MDFIC2: variants seen among roughly 807,000 people sequenced by gnomAD.
MDFIC2 encodes the protein myoD family inhibitor domain-containing protein 2.
rs373800327 is a variant in MDFIC2 at position 70,234,211 on chromosome 3, A to G, written c.89-27421T>C. ...GACAATTCCACTTTTCAAGTATTCT[A>G]GACACTTAGAGGGCTGGGTTGACAC... On this transcript the variant is annotated intron_variant, in intron 2 of 3. Transcript: ENST00000567252. 5.3e-5 allele frequency among the ~76,000 whole-genome samples: 8 copies of G among 152,328 alleles called. No homozygotes were observed. In the East Asian group the frequency reaches 1.5e-3, roughly 29 times the overall value.
chr3:70,226,014 T>C (rs1701503228), intron 2 of MDFIC2, among the ~76,000 whole-genome samples: 1 of 152,194 alleles, frequency 6.6e-6, no homozygotes, highest in Admixed American at 6.5e-5. Context: ...TTCCTCTCTA[T>C]ATTGAAGAAT....
chr3:70,220,846 C>T (rs555374361), intron 2 of MDFIC2, among the ~76,000 whole-genome samples: 1 of 152,270 alleles, frequency 6.6e-6, no homozygotes, highest in Non-Finnish European at 1.5e-5. Flanking sequence ...GCTTCCATGA[C>T]ATTCAGTTGT....
chr3:70,195,084 T>A lies in MDFIC2; in HGVS notation c.*1842A>T, dbSNP rs1431874990. Reference sequence around the variant, plus strand: ...CAGAAAATTAGAACCCAAGTTAGAGTTCCTGACACTGCCAATAATTCACTG... The same window carrying A: ...CAGAAAATTAGAACCCAAGTTAGAGATCCTGACACTGCCAATAATTCACTG... On this transcript the variant is annotated 3_prime_UTR_variant, in exon 4 of 4. Coordinates refer to ENST00000567252, the MANE Select transcript of MDFIC2 (RefSeq NM_001364677.1). Among the ~76,000 whole-genome samples the A allele has an allele frequency of 1.3e-5, 2 of 152,138 alleles. No homozygotes were observed. The highest frequency in any genetic ancestry group is 1.3e-4 in the Admixed American group (2 of 15,268).
chr3:70,282,906 G>C (rs182775575), intron 2 of MDFIC2, among the ~76,000 whole-genome samples: 230 of 152,240 alleles, frequency 1.5e-3, no homozygotes, highest in African/African-American at 5.3e-3. Flanking sequence ...CTCTCCCCAG[G>C]ATGAAATAGT....
intron 2 of MDFIC2, among the ~76,000 whole-genome samples, chr3:70,270,222 A>C (rs533228961): frequency 6.6e-6 from 1 of 152,352 alleles, no homozygotes; most frequent in African/African-American, 2.4e-5. Context: ...CTCAATGACC[A>C]GTTGGTTTTA....
At chr3:70,225,085 A>C (rs1014699865) in intron 2 of MDFIC2, among the ~76,000 whole-genome samples, 1 of 152,212 alleles carries the variant, frequency 6.6e-6, no homozygotes, top group East Asian at 1.9e-4. Context: ...AAAGTTACAG[A>C]ATAAATATAT....
At chr3:70,306,996 G>T (rs1575621811) in intron 2 of MDFIC2, among the ~76,000 whole-genome samples, 1 of 152,098 alleles carries the variant, frequency 6.6e-6, no homozygotes. Context: ...TATATATAGA[G>T]AGAGAGACAA....
At chr3:70,261,857 A>G (rs2106662136) in intron 2 of MDFIC2, among the ~76,000 whole-genome samples, 1 of 152,266 alleles carries the variant, frequency 6.6e-6, no homozygotes. Context: ...GAACCCTTTT[A>G]GAAACAAGGG....
At chr3:70,197,319 CCTT>C (rs1254470714) in intron 3 of MDFIC2, 134 bp from the exon 4 acceptor site, 1 of 396,604 alleles carries the variant, frequency 2.5e-6, no homozygotes, top group Non-Finnish European at 4.4e-6. Context: ...TAATGTACAC[CCTT>C]CTTCTCTCAA....
At chr3:70,303,543 C>G (rs1335953945) in intron 2 of MDFIC2, among the ~76,000 whole-genome samples, 1 of 152,316 alleles carries the variant, frequency 6.6e-6, no homozygotes, top group South Asian at 2.1e-4. Flanking sequence ...GTGAGCTACT[C>G]TTGCATTTTC....
chr3:70,298,843 G>A (rs1183800038), intron 2 of MDFIC2, among the ~76,000 whole-genome samples: 1 of 152,080 alleles, frequency 6.6e-6, no homozygotes, highest in Non-Finnish European at 1.5e-5. Flanking sequence ...CTTGGGACCT[G>A]GTCCTGTTGT....
intron 2 of MDFIC2, among the ~76,000 whole-genome samples, chr3:70,262,664 G>A (rs1460586506): frequency 6.6e-6 from 1 of 152,144 alleles, no homozygotes; most frequent in Non-Finnish European, 1.5e-5. Context: ...TTACACTTGT[G>A]TCACATAACA....
chr3:70,275,291 G>T (rs1010855586), intron 2 of MDFIC2, among the ~76,000 whole-genome samples: 1 of 152,098 alleles, frequency 6.6e-6, no homozygotes, highest in Non-Finnish European at 1.5e-5. Context: ...GGCAGGCCGA[G>T]GCAGGAGGAT....
chr3:70,231,672 A>T (rs1701561169), intron 2 of MDFIC2, among the ~76,000 whole-genome samples: 1 of 152,102 alleles, frequency 6.6e-6, no homozygotes, highest in Non-Finnish European at 1.5e-5. Context: ...GAGAGAGAGA[A>T]GGGAAGAAAG....
chr3:70,208,592 A>T (rs1310974188), intron 2 of MDFIC2, among the ~76,000 whole-genome samples: 1 of 152,074 alleles, frequency 6.6e-6, no homozygotes, highest in Non-Finnish European at 1.5e-5. Context: ...GAAGCTCCTC[A>T]GGTGATTCCG....
intron 2 of MDFIC2, among the ~76,000 whole-genome samples, chr3:70,289,424 G>C (rs1435613223): frequency 1.6e-4 from 24 of 148,678 alleles, no homozygotes; most frequent in Middle Eastern, 3.5e-3. Flanking sequence ...TCTGCCGAGA[G>C]ATCCGCTGTT....
chr3:70,202,033 C>T (rs763758086), intron 3 of MDFIC2, among the ~76,000 whole-genome samples: 1 of 152,104 alleles, frequency 6.6e-6, no homozygotes, highest in East Asian at 1.9e-4. Flanking sequence ...TCTGGCTAAC[C>T]ACAGTGACTG....
intron 2 of MDFIC2, among the ~76,000 whole-genome samples, chr3:70,280,069 G>A (rs1203859723): frequency 2.0e-5 from 3 of 152,272 alleles, no homozygotes; most frequent in Admixed American, 2.0e-4. Context: ...TGTCAGCAAG[G>A]CTGCACTCCC....
intron 2 of MDFIC2, among the ~76,000 whole-genome samples, chr3:70,254,907 C>T (rs769238580): frequency 1.5e-4 from 23 of 152,196 alleles, no homozygotes; most frequent in East Asian, 3.9e-4. Context: ...TTTCCTTTTC[C>T]GACTGTAACA....
Sources: allele counts gnomAD v4.1 joint callset (sites outside exome capture counted in the v4.1 genomes callset), GRCh38; gene constraint gnomAD v4.1.1; transcripts MANE v1.5; gene names NCBI Gene and HGNC (gene_info 2026-07-23, HGNC 2026-07-21).